KLF12: variants seen among roughly 807,000 people sequenced by gnomAD.
KLF12 encodes KLF transcription factor 12, also known as Krueppel-like factor 12.
A neutral mutation model predicts 37.8 loss-of-function variants in KLF12; 9 were observed. The ratio of observed to expected loss-of-function variants is 0.24; its 90% CI spans 0.14 to 0.42. KLF12 has a LOEUF of 0.42. KLF12 is among the 10% of genes least tolerant of loss of function. The probability of loss-of-function intolerance (pLI) is 1.00; values close to 1 mark genes in which losing one functional copy is unlikely to be tolerated. For synonymous variants in KLF12, 208 were observed against 202.1 expected, an observed-to-expected ratio of 1.03 and a Z score of -0.25; for missense variants, 411 against 516.0, an observed-to-expected ratio of 0.80 and a Z score of 1.97.
intron 1 of KLF12, among the ~76,000 whole-genome samples, chr13:74,119,429 A>C (rs552353283): frequency 1.3e-5 from 2 of 152,192 alleles, no homozygotes; most frequent in Non-Finnish European, 2.9e-5. Flanking sequence ...GATAGCAGAG[A>C]TACTGAAACT....
intron 3 of KLF12, among the ~76,000 whole-genome samples, chr13:73,888,384 G>T (rs1264521271): frequency 6.6e-6 from 1 of 152,128 alleles, no homozygotes; most frequent in Non-Finnish European, 1.5e-5. Flanking sequence ...TATTACAATA[G>T]TCCAGCTAAG....
chr13:73,978,891 G>A (rs1179187506), intron 2 of KLF12, among the ~76,000 whole-genome samples: 2 of 152,138 alleles, frequency 1.3e-5, no homozygotes, highest in African/African-American at 4.8e-5. Context: ...CATACATATT[G>A]CTAAGTGAAA....
At chr13:73,898,725 G>A (rs934305023) in intron 3 of KLF12, among the ~76,000 whole-genome samples, 10 of 152,160 alleles carry the variant, frequency 6.6e-5, no homozygotes, top group African/African-American at 2.4e-4. Context: ...GTACGCCCAA[G>A]AAAGGGTAAC....
At chr13:73,790,091 C>A (rs1450072792) in intron 5 of KLF12, among the ~76,000 whole-genome samples, 1 of 152,170 alleles carries the variant, frequency 6.6e-6, no homozygotes, top group Non-Finnish European at 1.5e-5. Context: ...GGTGCATAAT[C>A]ACCACTGAGT....
chr13:74,170,771 T>G, the KLF12 span, among the ~76,000 whole-genome samples: 1 of 152,194 alleles, frequency 6.6e-6, no homozygotes, highest in Non-Finnish European at 1.5e-5. Context: ...TACCTTATTT[T>G]ATTTTATTTT....
At chr13:74,058,267 A>C (rs1873366357) in intron 1 of KLF12, among the ~76,000 whole-genome samples, 1 of 150,152 alleles carries the variant, frequency 6.7e-6, no homozygotes, top group Admixed American at 6.6e-5. Context: ...GTGCCCGGCC[A>C]GCTATATAAT....
chr13:74,056,500 A>G (rs1873253540), intron 1 of KLF12, among the ~76,000 whole-genome samples: 1 of 152,250 alleles, frequency 6.6e-6, no homozygotes, highest in Admixed American at 6.5e-5. Flanking sequence ...ATTATGCAGT[A>G]CATCCATCGC....
the KLF12 span, among the ~76,000 whole-genome samples, chr13:74,242,391 GGA>G: frequency 6.6e-6 from 1 of 152,190 alleles, no homozygotes; most frequent in African/African-American, 2.4e-5. Context: ...CATGGTGGCA[GGA>G]GAGAGAGAAT....
chr13:73,840,010 C>T (rs1884656116), intron 4 of KLF12, among the ~76,000 whole-genome samples: 1 of 152,130 alleles, frequency 6.6e-6, no homozygotes, highest in South Asian at 2.1e-4. Flanking sequence ...GACTTTCAGT[C>T]TCCTCTTCCT....
At chr13:74,113,841 C>T (rs1877123615) in intron 1 of KLF12, among the ~76,000 whole-genome samples, 1 of 152,144 alleles carries the variant, frequency 6.6e-6, no homozygotes, top group Non-Finnish European at 1.5e-5. Flanking sequence ...AATTGAAAAC[C>T]TTCTGGAACT....
chr13:74,198,907 C>G, the KLF12 span, among the ~76,000 whole-genome samples: 5 of 152,108 alleles, frequency 3.3e-5, no homozygotes, highest in East Asian at 1.9e-4. Flanking sequence ...GATGGAGACT[C>G]CATGAGTCAG....
chr13:73,845,915 A>C lies in KLF12; in HGVS notation c.582T>G (p.Pro194=). ...GTGACCTTACAGCTGTGTAGACAAC[A>C]GGCACCGACTGTACCACCACGGGGA... The change falls in exon 4 of 8, where the codon CCT becomes CCG. Residue 194 remains proline, a synonymous_variant. Coordinates refer to ENST00000377669, the MANE Select transcript of KLF12 (RefSeq NM_007249.5). 2 of 1,614,146 alleles carry C rather than the reference A, an allele frequency of 1.2e-6. No individual in the cohort carries two copies. Among genetic ancestry groups the C allele is most frequent in the Non-Finnish European group, 1.7e-6 (2 of 1,179,986 alleles).
At chr13:73,758,314 A>G (rs1879317477) in intron 6 of KLF12, among the ~76,000 whole-genome samples, 1 of 152,212 alleles carries the variant, frequency 6.6e-6, no homozygotes, top group African/African-American at 2.4e-5. Flanking sequence ...CAGCTTTGCT[A>G]GAGTAAATCA....
At chr13:74,087,339 T>A (rs9600225) in intron 1 of KLF12, among the ~76,000 whole-genome samples, 37,802 of 140,026 alleles carry the variant, frequency 0.27, 5,186 homozygotes, top group Middle Eastern at 0.36. Context: ...TTAAAAAAAA[T>A]TTTTTTTTTT....
At chr13:74,291,626 G>A in the KLF12 span, among the ~76,000 whole-genome samples, 1 of 152,192 alleles carries the variant, frequency 6.6e-6, no homozygotes, top group South Asian at 2.1e-4. Context: ...GGAGCAACTG[G>A]ATTTTAACCG....
chr13:73,768,936 AG>A (rs766006301), intron 5 of KLF12, among the ~76,000 whole-genome samples: 15 of 152,118 alleles, frequency 9.9e-5, no homozygotes, highest in Admixed American at 2.6e-4. Context: ...CCCAGCCCAG[AG>A]GATGTAATAA....
At chr13:73,716,405 C>G (rs563566622) in intron 6 of KLF12, among the ~76,000 whole-genome samples, 1 of 152,182 alleles carries the variant, frequency 6.6e-6, no homozygotes, top group African/African-American at 2.4e-5. Flanking sequence ...TATTTCTACT[C>G]TACAAAATGT....
At chr13:73,844,465 A>G (rs1345945077) in intron 4 of KLF12, among the ~76,000 whole-genome samples, 5 of 152,204 alleles carry the variant, frequency 3.3e-5, no homozygotes. Context: ...AGAACAAAGG[A>G]AAGAGATTAT....
chr13:73,801,658 G>A (rs959467342), intron 5 of KLF12: 1 of 152,104 alleles, frequency 6.6e-6, no homozygotes. Context: ...ATCACGTGGT[G>A]AAGTATGTGA....
Sources: gnomAD v4.1 joint callset for allele counts (sites outside exome capture counted in the v4.1 genomes callset) on GRCh38, gnomAD v4.1.1 for gene constraint, MANE v1.5 for transcripts, NCBI Gene and HGNC (gene_info 2026-07-23, HGNC 2026-07-21) for gene names.